Variants in PIP4P1 observed in about 807,000 individuals in gnomAD.
PIP4P1 encodes the protein phosphatidylinositol-4,5-bisphosphate 4-phosphatase 1.
Under a neutral mutation model 32.3 loss-of-function variants are expected in PIP4P1, and 14 were observed. That is an observed-to-expected ratio of 0.43 (90% CI 0.29 to 0.68). The LOEUF (loss-of-function observed/expected upper bound fraction) is 0.68, where lower values mean the gene tolerates loss of function less well. Among genes scored for constraint, PIP4P1 ranks in the 30% least tolerant of loss-of-function variants. The pLI is 0.15. For missense variants in PIP4P1, 289 were observed against 364.5 expected, an observed-to-expected ratio of 0.79 and a Z score of 1.69; for synonymous variants, 132 against 137.9, an observed-to-expected ratio of 0.96 and a Z score of 0.30.
intron 2 of PIP4P1, 124 bp from the exon 3 acceptor site, chr14:20,460,422 A>C: frequency 4.9e-6 from 4 of 813,230 alleles, no homozygotes; most frequent in Non-Finnish European, 7.8e-6. Flanking sequence ...TAAAAGAAAG[A>C]CTATATCATG....
chr14:20,458,084 C>G lies in PIP4P1; in HGVS notation c.*475G>C, dbSNP rs45521736. The G allele has an allele frequency of 2.7e-4, 96 of 357,086 alleles. No homozygotes were observed. Among genetic ancestry groups the G allele is most frequent in the Admixed American group, 7.7e-4 (20 of 26,142 alleles). The allele number at this position is 357,086 out of a possible 1,614,324, so 22.1% of individuals were successfully genotyped here. ...ACAGAGCAGCGGCTGACCCCACCCC[C>G]ACAGGACACAATGTGGGGAGAGGAG... On this transcript the variant is annotated 3_prime_UTR_variant, in exon 7 of 7. Transcript: ENST00000250489.
chr14:20,460,997 T>C (rs1881684996), intron 1 of PIP4P1, 152 bp from the exon 2 acceptor site: 1 of 1,267,214 alleles, frequency 7.9e-7, no homozygotes. Context: ...AGAACCCCCT[T>C]CCGTCCCTAG....
At position 20,458,020 on chromosome 14, in the gene PIP4P1, A is replaced by T; in HGVS notation, c.*539T>A. On this transcript the variant is annotated 3_prime_UTR_variant, in exon 7 of 7. Transcript: ENST00000250489. Reference sequence around the variant, plus strand: ...ACAGGAATAGGGGAACATATCCCACATTAAATAGTTATATACACATCAGTT... The same window carrying T: ...ACAGGAATAGGGGAACATATCCCACTTTAAATAGTTATATACACATCAGTT... 3.2e-6 allele frequency: 1 copy of T among 313,930 alleles called. No individual in the cohort carries two copies. Among genetic ancestry groups the T allele is most frequent in the Non-Finnish European group, 6.2e-6 (1 of 162,574 alleles). The allele number at this position is 313,930 out of a possible 1,614,324, so 19.4% of individuals were successfully genotyped here. A position where few individuals can be genotyped will look rare whatever the true frequency, so the allele number is the denominator to read the frequency against.
In PIP4P1 at chr14:20,460,808, C is replaced by G. The variant is rs758602325; in HGVS notation, c.180G>C (p.Leu60Phe). ...AATAGGGGGGTGGGTCCTCCCCAGG[C>G]AACACGGCTGGATGCCCCTCGGGAA... ...PPFPEGHPAV[L>F]PGEDPPPYSP... Residue 60 changes from leucine to phenylalanine, a missense_variant, in exon 2 of 7, where the codon TTG becomes TTC. Transcript: ENST00000250489. The G allele has an allele frequency of 2.5e-6, 4 of 1,579,576 alleles. No homozygotes were observed. In the African/African-American group the frequency reaches 5.4e-5, roughly 22 times the overall value.
rs141539660 is a variant in PIP4P1 at position 20,457,796 on chromosome 14, C to T, written c.*763G>A. On this transcript the variant is annotated 3_prime_UTR_variant, in exon 7 of 7. Coordinates refer to ENST00000250489, the MANE Select transcript of PIP4P1 (RefSeq NM_144568.4). ...TTGCTGTCTTCGTGTCTTACCCCTT[C>T]GTGGGGCTACACATTCTCTTCCTCA... is the stretch of plus-strand genomic sequence containing the variant. The T allele has an allele frequency of 2.1e-3, 965 of 467,814 alleles. 4 individuals carry two copies. The highest frequency in any genetic ancestry group is 0.014 in the African/African-American group (690 of 50,892). The allele number at this position is 467,814 out of a possible 1,614,324, so 29.0% of individuals were successfully genotyped here.
chr14:20,460,954 C>T, intron 1 of PIP4P1, 109 bp from the exon 2 acceptor site: 2 of 1,331,388 alleles, frequency 1.5e-6, no homozygotes, highest in Non-Finnish European at 1.0e-6. Context: ...GCTCGGAGGG[C>T]TTCTCATAAT....
Position 20,458,014 on chromosome 14 carries a change from T to G in PIP4P1, c.*545A>C. ...GGAAATACAGGAATAGGGGAACATA[T>G]CCCACATTAAATAGTTATATACACA... On this transcript the variant is annotated 3_prime_UTR_variant, in exon 7 of 7. Transcript: ENST00000250489. 1 of 311,776 alleles carries G rather than the reference T, an allele frequency of 3.2e-6. No individual in the cohort carries two copies. The highest frequency in any genetic ancestry group is 6.2e-6 in the Non-Finnish European group (1 of 161,626). The allele number at this position is 311,776 out of a possible 1,614,324, so 19.3% of individuals were successfully genotyped here.
chr14:20,459,826 C>T, intron 3 of PIP4P1, 93 bp from the exon 4 acceptor site: 1 of 914,878 alleles, frequency 1.1e-6, no homozygotes, highest in Non-Finnish European at 1.7e-6. Flanking sequence ...ACATCCCCCA[C>T]TCCCTGTCTA....
rs1225936587 is a variant in PIP4P1, at chr14:20,460,305, A to T, written c.334-7T>A. 6.2e-7 allele frequency: 1 copy of T among 1,604,240 alleles called. No homozygotes were observed. Among genetic ancestry groups the T allele is most frequent in the South Asian group, 1.1e-5 (1 of 90,776 alleles). On this transcript the variant is annotated splice_region_variant and splice_polypyrimidine_tract_variant and intron_variant, in intron 2 of 6. Coordinates refer to ENST00000250489, the MANE Select transcript of PIP4P1 (RefSeq NM_144568.4). ...GGGGTGCATTCTTGATTGGCTAGAG[A>T]ATAATAGGGTCATCAGCAAGCAAAC...
At chr14:20,459,583 C>G in intron 4 of PIP4P1, 45 bp downstream of exon 4, 2 of 1,583,658 alleles carry the variant, frequency 1.3e-6, no homozygotes, top group Non-Finnish European at 1.7e-6. Flanking sequence ...CTCGAAATGA[C>G]TCTTAGTCTC....
At position 20,458,420 on chromosome 14, in the gene PIP4P1, T is replaced by C; in HGVS notation, c.*139A>G. The C allele has an allele frequency of 3.9e-6, 5 of 1,271,012 alleles. No homozygotes were observed. The Admixed American group carries it at 9.8e-5, about 25-fold the overall frequency. 78.7% of individuals were successfully genotyped at this position (1,271,012 alleles called of 1,614,324 possible). ...CCTAAGTGAGGGCCTGGTTCCTTCCTACCTCTCCCCAGGGAAAAGGAAGGC... is the reference window on the plus strand; with the variant it reads ...CCTAAGTGAGGGCCTGGTTCCTTCCCACCTCTCCCCAGGGAAAAGGAAGGC... On this transcript the variant is annotated 3_prime_UTR_variant, in exon 7 of 7. Coordinates refer to ENST00000250489, the MANE Select transcript of PIP4P1 (RefSeq NM_144568.4).
rs774585024 is a variant in PIP4P1 at position 20,458,285 on chromosome 14, C to T, written c.*274G>A. ...GCACACAGGAAGGACAAGGCTGGAA[C>T]CGTCTTCAGGGCCCAGTTTTAAGGG... On this transcript the variant is annotated 3_prime_UTR_variant, in exon 7 of 7. Transcript: ENST00000250489. 1.0e-5 allele frequency: 6 copies of T among 581,548 alleles called. No individual in the cohort carries two copies. Among genetic ancestry groups the T allele is most frequent in the Non-Finnish European group, 1.6e-5 (5 of 309,274 alleles). 36.0% of individuals were successfully genotyped at this position (581,548 alleles called of 1,614,324 possible).
Position 20,458,707 on chromosome 14 carries a change from T to TG in PIP4P1, c.691-6dup. Reference sequence around the variant, plus strand: ...TGCATGCTTCCATGTGCCAAACTGATGAAGATAAGGAGGGAGAAGAAAAGA... The same window carrying TG: ...TGCATGCTTCCATGTGCCAAACTGATGGAAGATAAGGAGGGAGAAGAAAAGA... On this transcript the variant is annotated splice_polypyrimidine_tract_variant and splice_region_variant and intron_variant, in intron 6 of 6. Transcript: ENST00000250489. 6.2e-7 allele frequency: 1 copy of TG among 1,610,702 alleles called. No homozygotes were observed.
Position 20,458,291 on chromosome 14 carries a change from T to C in PIP4P1, c.*268A>G, listed in dbSNP as rs1027544755. 1.6e-6 allele frequency: 1 copy of C among 628,212 alleles called. No homozygotes were observed. Among genetic ancestry groups the C allele is most frequent in the Admixed American group, 2.1e-5 (1 of 47,576 alleles). 38.9% of individuals were successfully genotyped at this position (628,212 alleles called of 1,614,324 possible). ...AGGAAGGACAAGGCTGGAACCGTCT[T>C]CAGGGCCCAGTTTTAAGGGCAACGT... On this transcript the variant is annotated 3_prime_UTR_variant, in exon 7 of 7. Coordinates refer to ENST00000250489, the MANE Select transcript of PIP4P1 (RefSeq NM_144568.4).
Position 20,460,197 on chromosome 14 carries a change from G to A in PIP4P1, c.435C>T (p.Pro145=). 1 of 1,613,536 alleles carries A rather than the reference G, an allele frequency of 6.2e-7. No individual in the cohort carries two copies. ...CCCCACCTTATGCCTCTTACCAGTA[G>A]GGCCGAGGGCATGCAATCCGTTGGG... The part of the protein sequence containing the change: ...VTSQRIACPR[P]YCKRIINLGP... The change falls in exon 3 of 7, where the codon CCC becomes CCT. Residue 145 remains proline (P), a synonymous_variant. Coordinates refer to ENST00000250489, the MANE Select transcript of PIP4P1 (RefSeq NM_144568.4).
Position 20,458,032 on chromosome 14 carries a change from T to C in PIP4P1, c.*527A>G, listed in dbSNP as rs903501217. Reference sequence around the variant, plus strand: ...GAACATATCCCACATTAAATAGTTATATACACATCAGTTCCTGTGGTTCTG... The same window carrying C: ...GAACATATCCCACATTAAATAGTTACATACACATCAGTTCCTGTGGTTCTG... On this transcript the variant is annotated 3_prime_UTR_variant, in exon 7 of 7. Transcript: ENST00000250489. 8 of 334,488 alleles carry C rather than the reference T, an allele frequency of 2.4e-5. No individual in the cohort carries two copies. The highest frequency in any genetic ancestry group is 7.7e-5 in the East Asian group (1 of 13,016). 20.7% of individuals were successfully genotyped at this position (334,488 alleles called of 1,614,324 possible). A position where few individuals can be genotyped will look rare whatever the true frequency, so the allele number is the denominator to read the frequency against.
rs754824766 is a variant in PIP4P1 at position 20,460,215 on chromosome 14, C to G, written c.417G>C (p.Arg139=). 51 of 1,613,998 alleles carry G rather than the reference C, an allele frequency of 3.2e-5. No individual in the cohort carries two copies. Among genetic ancestry groups the G allele is most frequent in the Non-Finnish European group, 4.2e-5 (49 of 1,179,998 alleles). The part of the protein sequence containing the change: ...CLLICKVTSQ[R]IACPRPYCKR... ...ACCAGTAGGGCCGAGGGCATGCAAT[C>G]CGTTGGGATGTCACTTTGCAGATAA... The change falls in exon 3 of 7, where the codon CGG becomes CGC. Residue 139 remains arginine, a synonymous_variant. Coordinates refer to ENST00000250489, the MANE Select transcript of PIP4P1 (RefSeq NM_144568.4).
chr14:20,460,870 C>A, intron 1 of PIP4P1, 25 bp from the exon 2 acceptor site: 1 of 1,531,608 alleles, frequency 6.5e-7, no homozygotes, highest in Non-Finnish European at 8.7e-7. Flanking sequence ...AATAGAAGGG[C>A]TGGGATCACT....
Position 20,460,302 on chromosome 14 carries a change from G to C in PIP4P1, c.334-4C>G. The C allele has an allele frequency of 6.2e-7, 1 of 1,607,244 alleles. No homozygotes were observed. Among genetic ancestry groups the C allele is most frequent in the Non-Finnish European group, 8.5e-7 (1 of 1,174,010 alleles). On this transcript the variant is annotated splice_region_variant and splice_polypyrimidine_tract_variant and intron_variant, in intron 2 of 6. Transcript: ENST00000250489. ...CTGGGGGTGCATTCTTGATTGGCTA[G>C]AGAATAATAGGGTCATCAGCAAGCA...
Sources: allele counts gnomAD v4.1 joint callset, GRCh38; gene constraint gnomAD v4.1.1; transcripts MANE v1.5; gene names NCBI Gene and HGNC (gene_info 2026-07-23, HGNC 2026-07-21).